The following NPAS3 variants were observed in gnomAD, a reference collection of about 807,000 sequenced individuals.
NPAS3 encodes neuronal PAS domain protein 3.
In NPAS3, 14 loss-of-function variants were observed where a neutral mutation model predicts 73.1. That is an observed-to-expected ratio of 0.19 (90% CI 0.13 to 0.30). The LOEUF is 0.30. Ranked by LOEUF, NPAS3 falls within the 10% of genes least tolerant of loss-of-function variation. The pLI is 1.00. For missense variants in NPAS3, 1,096 were observed against 1,250.0 expected, an observed-to-expected ratio of 0.88 and a Z score of 1.86; for synonymous variants, 620 against 541.5, an observed-to-expected ratio of 1.14 and a Z score of -2.01.
chr14:33,677,360 T>C (rs1209745775), intron 6 of NPAS3, among the ~76,000 whole-genome samples: 7 of 152,194 alleles, frequency 4.6e-5, no homozygotes, highest in Non-Finnish European at 1.0e-4. Flanking sequence ...AAGTTTAAGA[T>C]TTTTTGATGA....
chr14:33,402,537 C>T (rs2047491249), intron 4 of NPAS3, among the ~76,000 whole-genome samples: 1 of 152,100 alleles, frequency 6.6e-6, no homozygotes, highest in Non-Finnish European at 1.5e-5. Context: ...CACCAGCAGG[C>T]TCTCCTGTGA....
At chr14:33,095,657 C>CTTTTTGTTTTTTTTT (rs201283993) in intron 2 of NPAS3, among the ~76,000 whole-genome samples, 1 of 97,656 alleles carries the variant, frequency 1.0e-5, no homozygotes, top group Non-Finnish European at 2.0e-5. Flanking sequence ...GCATTCTCTG[C>CTTTTTGTTTTTTTTT]TTTTATTTTT....
At chr14:33,494,195 G>A (rs1485010463) in intron 4 of NPAS3, among the ~76,000 whole-genome samples, 1 of 152,084 alleles carries the variant, frequency 6.6e-6, no homozygotes, top group Non-Finnish European at 1.5e-5. Context: ...GGGCTCAGAA[G>A]AGACCTCAGT....
At chr14:33,455,745 G>A (rs1487591872) in intron 4 of NPAS3, among the ~76,000 whole-genome samples, 1 of 152,192 alleles carries the variant, frequency 6.6e-6, no homozygotes, top group Non-Finnish European at 1.5e-5. Context: ...GATGTAGACT[G>A]CTAAACGTGG....
intron 6 of NPAS3, among the ~76,000 whole-genome samples, chr14:33,707,039 G>C: frequency 6.6e-6 from 1 of 152,174 alleles, no homozygotes. Context: ...CTATCTTCCT[G>C]TCTAAACAGT....
intron 6 of NPAS3, among the ~76,000 whole-genome samples, chr14:33,704,552 T>C (rs1243123998): frequency 2.6e-5 from 4 of 152,238 alleles, no homozygotes; most frequent in Non-Finnish European, 5.9e-5. Flanking sequence ...GATCTGTTTA[T>C]CTCTTTGTTT....
At chr14:33,346,811 G>A (rs903210561) in intron 3 of NPAS3, among the ~76,000 whole-genome samples, 4 of 152,132 alleles carry the variant, frequency 2.6e-5, no homozygotes, top group African/African-American at 9.7e-5. Context: ...TCCTGAGGCA[G>A]GAGGAAATAT....
intron 3 of NPAS3, among the ~76,000 whole-genome samples, chr14:33,333,053 A>G (rs1299531923): frequency 1.3e-5 from 2 of 152,250 alleles, no homozygotes; most frequent in Non-Finnish European, 2.9e-5. Flanking sequence ...CAATATGCAT[A>G]CAATAGTCAG....
intron 2 of NPAS3, among the ~76,000 whole-genome samples, chr14:33,177,071 TTTATTATTATTA>T (rs58286290): frequency 1.0e-4 from 14 of 138,316 alleles, no homozygotes; most frequent in East Asian, 2.1e-4. Flanking sequence ...TGTTTATCTT[TTTATTATTATTA>T]TTATTATTAT....
At chr14:33,666,364 A>G (rs1210591985) in intron 5 of NPAS3, among the ~76,000 whole-genome samples, 1 of 152,208 alleles carries the variant, frequency 6.6e-6, no homozygotes, top group Admixed American at 6.5e-5. Context: ...AGGAGTCAGA[A>G]TGGGAGTTAC....
chr14:32,951,744 G>T (rs1171506252), intron 1 of NPAS3, among the ~76,000 whole-genome samples: 2 of 152,106 alleles, frequency 1.3e-5, no homozygotes, highest in Non-Finnish European at 1.5e-5. Context: ...TGAAGATTTT[G>T]TGTGTTCCTA....
chr14:33,484,948 C>G (rs2051509689), intron 4 of NPAS3, among the ~76,000 whole-genome samples: 2 of 152,168 alleles, frequency 1.3e-5, no homozygotes, highest in Admixed American at 6.5e-5. Flanking sequence ...AAACCCAGCT[C>G]ATCGGGCACT....
rs79930221 is a variant in NPAS3, at chr14:33,558,150, T to A, written c.469-1971T>A. On this transcript the variant is annotated intron_variant, in intron 4 of 11. Coordinates refer to ENST00000356141, the Ensembl canonical transcript of NPAS3. The stretch of plus-strand genomic sequence containing the variant: ...TAATCTGCTCTTTAGTGGAACAATA[T>A]AATGTGACTTTTGAATTGTTTTCAG... Among the ~76,000 whole-genome samples, 594 of 152,320 alleles carry A rather than the reference T, an allele frequency of 3.9e-3. 5 individuals are homozygous for A. The highest frequency in any genetic ancestry group is 0.014 in the African/African-American group (565 of 41,560).
intron 3 of NPAS3, among the ~76,000 whole-genome samples, chr14:33,283,489 A>T (rs1034391932): frequency 1.3e-5 from 2 of 152,216 alleles, no homozygotes; most frequent in Admixed American, 1.3e-4. Context: ...AATATAAAGC[A>T]CATAGACAAA....
chr14:33,801,055 C>G (rs779123476), exon 12 of NPAS3: 17 of 1,594,706 alleles, frequency 1.1e-5, no homozygotes, highest in Admixed American at 1.7e-5. Context: ...TGCCCTTCCC[C>G]GTCTACAGCA....
At chr14:33,413,057 G>C (rs1482407255) in intron 4 of NPAS3, among the ~76,000 whole-genome samples, 3 of 152,158 alleles carry the variant, frequency 2.0e-5, no homozygotes, top group Non-Finnish European at 4.4e-5. Flanking sequence ...GGAAATACCA[G>C]TATGAAAGCT....
intron 3 of NPAS3, among the ~76,000 whole-genome samples, chr14:33,257,377 C>T (rs940342153): frequency 6.6e-6 from 1 of 152,126 alleles, no homozygotes; most frequent in African/African-American, 2.4e-5. Flanking sequence ...TTTAATGAGT[C>T]CCTCTTTGGT....
chr14:33,694,625 A>C (rs746783996), intron 6 of NPAS3, among the ~76,000 whole-genome samples: 3 of 152,198 alleles, frequency 2.0e-5, no homozygotes, highest in Non-Finnish European at 4.4e-5. Flanking sequence ...AAAGCTAGTA[A>C]ACATGAACAT....
At chr14:33,761,568 C>T (rs1238894219) in intron 7 of NPAS3, among the ~76,000 whole-genome samples, 1 of 151,372 alleles carries the variant, frequency 6.6e-6, no homozygotes, top group South Asian at 2.1e-4. Flanking sequence ...AGAAATCTTA[C>T]TTAGCACGAC....
Sources: gnomAD v4.1 joint callset for allele counts (sites outside exome capture counted in the v4.1 genomes callset) on GRCh38, gnomAD v4.1.1 for gene constraint, MANE v1.5 for transcripts, NCBI Gene and HGNC (gene_info 2026-07-23, HGNC 2026-07-21) for gene names.